Variants in KCTD14 observed in about 807,000 individuals in gnomAD.
KCTD14 encodes BTB/POZ domain-containing protein KCTD14.
Under a neutral mutation model 5.9 loss-of-function variants are expected in KCTD14, and 7 were observed. The observed-to-expected ratio is 1.19, with a 90% confidence interval of 0.68 to 2.23. The LOEUF (loss-of-function observed/expected upper bound fraction) is 2.23, where lower values mean the gene tolerates loss of function less well. KCTD14 is among the 30% of genes most tolerant of loss of function. The pLI is 0.00. For missense variants in KCTD14, 342 were observed against 332.2 expected, an observed-to-expected ratio of 1.03 and a Z score of -0.23; for synonymous variants, 140 against 133.1, an observed-to-expected ratio of 1.05 and a Z score of -0.36.
upstream of KCTD14, among the ~76,000 whole-genome samples, chr11:78,027,673 T>A (rs1857504205): frequency 6.6e-6 from 1 of 152,024 alleles, no homozygotes; most frequent in South Asian, 2.1e-4. Context: ...ACCCTGTCTC[T>A]ACTCTTAAAA....
chr11:78,034,221 CGA>C lies in KCTD14; in HGVS notation c.-1+4441_-1+4442del, dbSNP rs1479205902. 2.0e-5 allele frequency among the ~76,000 whole-genome samples: 3 copies of C among 152,036 alleles called. No individual in the cohort carries two copies. In the East Asian group the frequency reaches 5.8e-4, roughly 29 times the overall value. ...CACCACAGCCTCAACCTCCTGGACT[CGA>C]GAGATCCCCCGACCTCAGCCTCCTG... On this transcript the variant is annotated intron_variant, in intron 2 of 2. Transcript: ENST00000533144.
At position 78,017,243 on chromosome 11, in the gene KCTD14, C is replaced by T. The variant is rs371597243; in HGVS notation, c.118G>A (p.Gly40Arg). 38 of 1,603,530 alleles carry T rather than the reference C, an allele frequency of 2.4e-5. No homozygotes were observed. Among genetic ancestry groups the T allele is most frequent in the South Asian group, 6.6e-5 (6 of 90,470 alleles). ...TMSTVVELNV[G>R]GEFHTTTLGT... is the part of the protein sequence containing the mutation. The stretch of plus-strand genomic sequence containing the variant: ...AGGGTGGTGGTGTGGAACTCACCCC[C>T]GACGTTCAGCTCCACAACAGTAGAC... Residue 40 changes from glycine to arginine, a missense_variant, in exon 2 of 2, where the codon GGG becomes AGG. Transcript: ENST00000353172.
At chr11:78,042,435 G>A (rs1183021342) in intron 1 of KCTD14, among the ~76,000 whole-genome samples, 6 of 152,066 alleles carry the variant, frequency 3.9e-5, no homozygotes, top group African/African-American at 1.4e-4. Flanking sequence ...TTGAACCTGG[G>A]AGGCGGAGGT....
upstream of KCTD14, chr11:78,023,560 G>A (rs1857365608): frequency 3.2e-6 from 1 of 316,586 alleles, no homozygotes; most frequent in African/African-American, 2.3e-5. Flanking sequence ...TATCGCTCAG[G>A]CTGAAGTGCA....
At chr11:78,035,019 T>C (rs1034577173) in intron 2 of KCTD14, among the ~76,000 whole-genome samples, 7 of 152,226 alleles carry the variant, frequency 4.6e-5, no homozygotes, top group African/African-American at 1.7e-4. Context: ...GATTGCCGGC[T>C]ATCATTTGAG....
Position 78,016,638 on chromosome 11 carries a change from G to C in KCTD14, c.723C>G (p.Asn241Lys). The C allele has an allele frequency of 6.2e-7, 1 of 1,614,160 alleles. No homozygotes were observed. Among genetic ancestry groups the C allele is most frequent in the Non-Finnish European group, 8.5e-7 (1 of 1,180,004 alleles). The change falls in exon 2 of 2, where the codon AAC becomes AAG. Residue 241 changes from asparagine to lysine, a missense_variant. Coordinates refer to ENST00000353172, the MANE Select transcript of KCTD14 (RefSeq NM_023930.4). ...ATGAATAAATGTTAAAATGGAATTC[G>C]TTTCTTTTGGTGGGGTACGTCAGGT... ...KFYLTYPTKR[N>K]EFHFNIYSFT...
At position 78,016,437 on chromosome 11, in the gene KCTD14, A is replaced by G; in HGVS notation, c.*156T>C. 4.6e-6 allele frequency: 3 copies of G among 647,308 alleles called. No individual in the cohort carries two copies. The highest frequency in any genetic ancestry group is 7.9e-6 in the Non-Finnish European group (3 of 379,666). 40.1% of individuals were successfully genotyped at this position (647,308 alleles called of 1,614,324 possible). ...AGTGGCATCAGTTGCAATGGAGTGGAAAGTCCTTAAACGAGTGATCAATAT... is the reference window on the plus strand; with the variant it reads ...AGTGGCATCAGTTGCAATGGAGTGGGAAGTCCTTAAACGAGTGATCAATAT... On this transcript the variant is annotated 3_prime_UTR_variant, in exon 2 of 2. Coordinates refer to ENST00000353172, the MANE Select transcript of KCTD14 (RefSeq NM_023930.4).
At chr11:78,034,363 C>T (rs9651767) in intron 2 of KCTD14, among the ~76,000 whole-genome samples, 67,039 of 151,936 alleles carry the variant, frequency 0.44, 15,457 homozygotes, top group African/African-American at 0.6. Flanking sequence ...GCAATTCTCA[C>T]TGGCTTTCCA....
intron 1 of KCTD14, among the ~76,000 whole-genome samples, chr11:78,041,101 ACAGT>A (rs1442697159): frequency 2.0e-5 from 3 of 152,182 alleles, no homozygotes; most frequent in Admixed American, 6.5e-5. Flanking sequence ...TGGGAGACAC[ACAGT>A]CTGTCAAGCT....
At chr11:78,021,206 G>A (rs960883621) in intron 1 of KCTD14, among the ~76,000 whole-genome samples, 2 of 145,588 alleles carry the variant, frequency 1.4e-5, no homozygotes, top group Non-Finnish European at 3.0e-5. Flanking sequence ...TTGGGAGGCT[G>A]AGAATTGCTT....
chr11:78,039,068 C>T (rs201982206), intron 1 of KCTD14, among the ~76,000 whole-genome samples: 1 of 114,764 alleles, frequency 8.7e-6, no homozygotes, highest in African/African-American at 3.6e-5. Flanking sequence ...CTTTAGATTA[C>T]AAAAAAAAAA....
intron 2 of KCTD14, among the ~76,000 whole-genome samples, chr11:78,033,889 A>ATGTGTGTGTG (rs140535954): frequency 9.1e-6 from 1 of 110,188 alleles, no homozygotes; most frequent in African/African-American, 5.4e-5. Flanking sequence ...GTGTGTGTGT[A>ATGTGTGTGTG]TGTGTGTGTG....
At position 78,038,663 on chromosome 11, in the gene KCTD14, C is replaced by A; in HGVS notation, c.-1+1G>T. On this transcript the variant is annotated splice_donor_variant, in intron 2 of 2. Coordinates refer to the KCTD14 transcript ENST00000533144. LOFTEE classifies it low-confidence loss of function (5UTR_SPLICE). ...CCCAAGAGAGGGGGTGACCTGCATACCTAATGGGTGGTGGCAGCAGAACTC... is the reference window on the plus strand; with the variant it reads ...CCCAAGAGAGGGGGTGACCTGCATAACTAATGGGTGGTGGCAGCAGAACTC... 1 of 1,535,712 alleles carries A rather than the reference C, an allele frequency of 6.5e-7. No individual in the cohort carries two copies. The highest frequency in any genetic ancestry group is 8.7e-7 in the Non-Finnish European group (1 of 1,146,908).
chr11:78,044,350 G>A (rs953724282), intron 1 of KCTD14, among the ~76,000 whole-genome samples: 4 of 152,136 alleles, frequency 2.6e-5, no homozygotes, highest in Admixed American at 6.6e-5. Flanking sequence ...TGTGGACCCC[G>A]CAGAAAAATC....
chr11:78,018,958 A>T (rs991650652), intron 1 of KCTD14, among the ~76,000 whole-genome samples: 1 of 152,042 alleles, frequency 6.6e-6, no homozygotes, highest in African/African-American at 2.4e-5. Flanking sequence ...CTTATTTCAT[A>T]TAGATTAGAA....
rs1013136186 is a variant in KCTD14 at position 78,019,321 on chromosome 11, A to AT, written c.91-2052dup. ...GAGCCACAGCCCCGGCCAGAAATGA[A>AT]TTTTTTTTTAAGAGATGCGGTCTTG... On this transcript the variant is annotated intron_variant, in intron 1 of 1. Coordinates refer to ENST00000353172, the MANE Select transcript of KCTD14 (RefSeq NM_023930.4). 6.0e-5 allele frequency among the ~76,000 whole-genome samples: 9 copies of AT among 151,240 alleles called. No individual in the cohort carries two copies. The East Asian group carries it at 1.2e-3, about 20-fold the overall frequency.
At chr11:78,041,583 C>T (rs564593377) in intron 1 of KCTD14, among the ~76,000 whole-genome samples, 2 of 152,358 alleles carry the variant, frequency 1.3e-5, no homozygotes, top group African/African-American at 2.4e-5. Flanking sequence ...ATGGCAACCC[C>T]CTTTGGGTCC....
chr11:78,044,861 A>G (rs1007045377), intron 1 of KCTD14, among the ~76,000 whole-genome samples: 1 of 152,144 alleles, frequency 6.6e-6, no homozygotes, highest in Admixed American at 6.5e-5. Context: ...ACACCTTGGC[A>G]TGCTTCCGGG....
At chr11:78,041,610 A>G (rs1857995166) in intron 1 of KCTD14, among the ~76,000 whole-genome samples, 1 of 151,974 alleles carries the variant, frequency 6.6e-6, no homozygotes, top group South Asian at 2.1e-4. Flanking sequence ...TTTGTATGGG[A>G]GCTCTGTTTT....
Sources: allele counts gnomAD v4.1 joint callset (sites outside exome capture counted in the v4.1 genomes callset), GRCh38; gene constraint gnomAD v4.1.1; transcripts MANE v1.5; gene names NCBI Gene and HGNC (gene_info 2026-07-23, HGNC 2026-07-21).